TET2: variants seen among roughly 807,000 people sequenced by gnomAD.
The protein encoded by TET2 is methylcytosine dioxygenase TET2.
In TET2, 299 loss-of-function variants were observed where a neutral mutation model predicts 142.9. That is an observed-to-expected ratio of 2.09 (90% CI 1.90 to 2.30). The LOEUF (loss-of-function observed/expected upper bound fraction) is 2.30. Ranked by LOEUF, TET2 falls within the 30% of genes most tolerant of loss-of-function variation. The probability of loss-of-function intolerance (pLI) is 0.00; values close to 1 mark genes in which losing one functional copy is unlikely to be tolerated. For missense variants in TET2, 2,418 were observed against 2,378.0 expected, an observed-to-expected ratio of 1.02 and a Z score of -0.35; for synonymous variants, 819 against 849.0, an observed-to-expected ratio of 0.96 and a Z score of 0.61.
chr4:105,160,754 T>G (rs1164065622), intron 1 of TET2, among the ~76,000 whole-genome samples: 5 of 151,790 alleles, frequency 3.3e-5, no homozygotes, highest in Non-Finnish European at 5.9e-5. Context: ...ATCTGTTTTT[T>G]GGGGGTTTTT....
In TET2 at chr4:105,278,183, T is replaced by TAG. The variant is rs1170881712; in HGVS notation, c.*1665_*1666insGA. 1 of 155,724 alleles carries TAG rather than the reference T, an allele frequency of 6.4e-6. No homozygotes were observed. Among genetic ancestry groups the TAG allele is most frequent in the Admixed American group, 6.8e-5 (1 of 14,652 alleles). The allele number at this position is 155,724 out of a possible 1,614,324, so 9.6% of individuals were successfully genotyped here. A position where few individuals can be genotyped will look rare whatever the true frequency, so the allele number is the denominator to read the frequency against. On this transcript the variant is annotated 3_prime_UTR_variant, in exon 11 of 11. Transcript: ENST00000380013. Reference sequence around the variant, plus strand: ...AATTAAATATATACATATATATATATATATATATATATATATATATGAGTT... The same window carrying TAG: ...AATTAAATATATACATATATATATATAGATATATATATATATATATATGAGTT...
At chr4:105,167,359 TGCGTATATGTGTACACATATACATATGC>T (rs1264115040) in intron 1 of TET2, among the ~76,000 whole-genome samples, 2 of 151,808 alleles carry the variant, frequency 1.3e-5, no homozygotes, top group African/African-American at 4.8e-5. Flanking sequence ...TTAAGAAAAG[TGCGTATATGTGTACACATATACATATGC>T]GTGTATATGT....
Position 105,259,418 on chromosome 4 carries a change from T to C in TET2, c.3804-201T>C, listed in dbSNP as rs1429035677. Among the ~76,000 whole-genome samples, 5 of 152,294 alleles carry C rather than the reference T, an allele frequency of 3.3e-5. No individual in the cohort carries two copies. In the East Asian group the frequency reaches 9.6e-4, roughly 29 times the overall value. Reference sequence around the variant, plus strand: ...TTGTAAACTGTAAAATTATGTGCACTTTTCTGTATGTGTATTACATTGCAA... The same window carrying C: ...TTGTAAACTGTAAAATTATGTGCACCTTTCTGTATGTGTATTACATTGCAA... On this transcript the variant is annotated intron_variant, in intron 6 of 10. Transcript: ENST00000380013.
intron 8 of TET2, among the ~76,000 whole-genome samples, chr4:105,262,700 G>A (rs1369470062): frequency 6.6e-6 from 1 of 152,002 alleles, no homozygotes; most frequent in Admixed American, 6.6e-5. Flanking sequence ...TGATCAACAT[G>A]GAGAAACCCT....
intron 2 of TET2, among the ~76,000 whole-genome samples, chr4:105,211,199 A>G (rs1727140487): frequency 6.6e-6 from 1 of 152,184 alleles, no homozygotes; most frequent in Admixed American, 6.6e-5. Flanking sequence ...TTCAGTTCAG[A>G]TAGATATCAG....
At chr4:105,148,900 A>C (rs1723165759) in intron 1 of TET2, among the ~76,000 whole-genome samples, 1 of 152,184 alleles carries the variant, frequency 6.6e-6, no homozygotes, top group South Asian at 2.1e-4. Context: ...TCGATAGTTC[A>C]CTTTGTAACT....
intron 1 of TET2, among the ~76,000 whole-genome samples, chr4:105,153,517 T>TA (rs1406398518): frequency 6.6e-6 from 1 of 152,252 alleles, no homozygotes; most frequent in Non-Finnish European, 1.5e-5. Flanking sequence ...GCCTTTATGT[T>TA]AAAAATATTT....
intron 6 of TET2, among the ~76,000 whole-genome samples, chr4:105,258,394 T>TA (rs1237021147): frequency 6.6e-6 from 1 of 152,166 alleles, no homozygotes; most frequent in Admixed American, 6.6e-5. Context: ...TAGTTACCAT[T>TA]TAATATAGTT....
intron 7 of TET2, among the ~76,000 whole-genome samples, chr4:105,260,976 G>A (rs1730394414): frequency 6.6e-6 from 1 of 151,862 alleles, no homozygotes. Context: ...AGGATACCAA[G>A]TAACTTATTG....
intron 2 of TET2, among the ~76,000 whole-genome samples, chr4:105,231,523 C>G (rs1393348774): frequency 6.6e-6 from 1 of 152,144 alleles, no homozygotes; most frequent in Non-Finnish European, 1.5e-5. Flanking sequence ...TTTTCTTCAG[C>G]TACTTTGCTG....
Position 105,242,879 on chromosome 4 carries a change from TA to T in TET2, c.3547del (p.Thr1183LeufsTer43), listed in dbSNP as rs1157491982. Reference protein sequence around the residue: ...KAIRIERVIYTGKEGKSSQGC... With the variant: ...KAIRIERVIYXGKEGKSSQGC... ...CTATTAGGATTGAAAGAGTCATCTATACTGGTAAAGAAGGCAAAAGTTCTCA... is the reference window on the plus strand; with the variant it reads ...CTATTAGGATTGAAAGAGTCATCTATCTGGTAAAGAAGGCAAAAGTTCTCA... On this transcript the variant is annotated frameshift_variant, in exon 5 of 11. Transcript: ENST00000380013. LOFTEE classifies it high-confidence loss of function. The T allele has an allele frequency of 6.4e-7, 1 of 1,551,412 alleles. No individual in the cohort carries two copies. Among genetic ancestry groups the T allele is most frequent in the Non-Finnish European group, 8.7e-7 (1 of 1,146,920 alleles).
intron 2 of TET2, among the ~76,000 whole-genome samples, chr4:105,193,646 C>A (rs996466475): frequency 6.6e-5 from 10 of 151,798 alleles, no homozygotes; most frequent in Admixed American, 5.9e-4. Flanking sequence ...GCTGACTGCA[C>A]GTAAGAGATA....
At chr4:105,254,214 CTT>C (rs1730011220) in intron 6 of TET2, among the ~76,000 whole-genome samples, 1 of 152,130 alleles carries the variant, frequency 6.6e-6, no homozygotes, top group South Asian at 2.1e-4. Flanking sequence ...TTCCTTAAAA[CTT>C]TGGTAGAAAT....
intron 2 of TET2, among the ~76,000 whole-genome samples, chr4:105,230,004 A>G (rs926299739): frequency 1.3e-5 from 2 of 152,132 alleles, no homozygotes; most frequent in Non-Finnish European, 2.9e-5. Flanking sequence ...GATTGTGCCT[A>G]CATCATTTAA....
intron 6 of TET2, among the ~76,000 whole-genome samples, chr4:105,249,199 G>T (rs1729740328): frequency 6.6e-6 from 1 of 151,834 alleles, no homozygotes; most frequent in South Asian, 2.1e-4. Context: ...GCTAATTTTT[G>T]TATTTTTAGT....
chr4:105,162,549 G>A (rs1029025200), intron 1 of TET2, among the ~76,000 whole-genome samples: 3 of 152,188 alleles, frequency 2.0e-5, no homozygotes, highest in Admixed American at 6.5e-5. Context: ...TGACAAGCAA[G>A]TAGGCACTTT....
In TET2 at chr4:105,234,704, T is replaced by G; in HGVS notation, c.762T>G (p.Ser254Arg). ...CATCTCACATAAATGCCATTAACAG[T>G]CAGGCTACTAATGAGTTGTCCTGTG... The part of the protein sequence containing the change: ...KTTSHINAIN[S>R]QATNELSCEI... The change falls in exon 3 of 11, where the codon AGT becomes AGG. Residue 254 changes from serine (S) to arginine (R), a missense_variant. Coordinates refer to ENST00000380013, the MANE Select transcript of TET2 (RefSeq NM_001127208.3). 6.2e-7 allele frequency: 1 copy of G among 1,614,032 alleles called. No individual in the cohort carries two copies. The highest frequency in any genetic ancestry group is 8.5e-7 in the Non-Finnish European group (1 of 1,179,998).
intron 2 of TET2, among the ~76,000 whole-genome samples, chr4:105,216,623 A>C (rs1021516215): frequency 4.6e-5 from 7 of 152,110 alleles, no homozygotes; most frequent in Admixed American, 1.3e-4. Context: ...AAACTTTAAA[A>C]GTAATGATTT....
chr4:105,276,630 TGTG>T lies in TET2; in HGVS notation c.*116_*118del, dbSNP rs1214856484. The T allele has an allele frequency of 1.9e-5, 24 of 1,274,032 alleles. No homozygotes were observed. Among genetic ancestry groups the T allele is most frequent in the Middle Eastern group, 1.9e-4 (1 of 5,166 alleles). 78.9% of individuals were successfully genotyped at this position (1,274,032 alleles called of 1,614,324 possible). ...GAAAGGTCACAGTATTCATGACAAA[TGTG>T]GTGGGAAAAACCTCAGCTCACCAGC... is the stretch of plus-strand genomic sequence containing the variant. On this transcript the variant is annotated 3_prime_UTR_variant, in exon 11 of 11. Transcript: ENST00000380013.
Sources: allele counts gnomAD v4.1 joint callset (sites outside exome capture counted in the v4.1 genomes callset), GRCh38; gene constraint gnomAD v4.1.1; transcripts MANE v1.5; gene names NCBI Gene and HGNC (gene_info 2026-07-23, HGNC 2026-07-21).